PARG: variants seen among roughly 807,000 people sequenced by gnomAD.
The protein encoded by PARG is poly(ADP-ribose) glycohydrolase, also known as mitochondrial poly(ADP-ribose) glycohydrolase.
Under a neutral mutation model 113.0 loss-of-function variants are expected in PARG, and 35 were observed. The observed-to-expected ratio is 0.31, with a 90% CI of 0.24 to 0.41. The LOEUF is 0.41. PARG is among the 10% of genes least tolerant of loss of function. The probability of loss-of-function intolerance (pLI) is 1.00; values close to 1 mark genes in which losing one functional copy is unlikely to be tolerated. For missense variants in PARG, 797 were observed against 1,169.4 expected (o/e 0.68, Z 4.64); for synonymous variants, 330 against 409.9 (o/e 0.81, Z 2.36).
chr10:49,820,014 A>T, intron 17 of PARG, 151 bp downstream of exon 17: 1 of 596,834 alleles, frequency 1.7e-6, no homozygotes. Context: ...GACTCTGCAA[A>T]TGCTGCCCCT....
At chr10:49,890,591 A>T (rs1179465651) in intron 7 of PARG, among the ~76,000 whole-genome samples, 1 of 152,170 alleles carries the variant, frequency 6.6e-6, no homozygotes, top group East Asian at 1.9e-4. Context: ...CATCAGCCCT[A>T]ACCTAGGAGG....
intron 7 of PARG, among the ~76,000 whole-genome samples, chr10:49,904,980 A>G (rs145275598): frequency 2.7e-3 from 414 of 151,772 alleles, no homozygotes; most frequent in East Asian, 0.011. Context: ...CATGCTGAAC[A>G]CTAAAAGTCA....
At chr10:49,828,573 C>T (rs1192459255) in intron 16 of PARG, among the ~76,000 whole-genome samples, 2 of 152,218 alleles carry the variant, frequency 1.3e-5, no homozygotes, top group Middle Eastern at 3.2e-3. Flanking sequence ...TCCCCCTAGT[C>T]CCTTCTCTCC....
At chr10:49,831,203 T>C (rs1272665592) in intron 16 of PARG, among the ~76,000 whole-genome samples, 13 of 151,108 alleles carry the variant, frequency 8.6e-5, no homozygotes, top group Admixed American at 7.9e-4. Flanking sequence ...GATTTTTATA[T>C]ACTTCATGGT....
intron 16 of PARG, among the ~76,000 whole-genome samples, chr10:49,822,568 G>A (rs1844154948): frequency 6.6e-6 from 1 of 151,746 alleles, no homozygotes; most frequent in Non-Finnish European, 1.5e-5. Context: ...TGGGGTGTTA[G>A]AATAGGAACA....
chr10:49,895,007 G>A (rs1426560976), intron 7 of PARG, among the ~76,000 whole-genome samples: 7 of 151,998 alleles, frequency 4.6e-5, no homozygotes, highest in Non-Finnish European at 7.4e-5. Context: ...TCATATAAGC[G>A]TTTTCCCTCA....
intron 7 of PARG, among the ~76,000 whole-genome samples, chr10:49,912,596 G>C (rs551243931): frequency 6.6e-6 from 1 of 152,216 alleles, no homozygotes; most frequent in East Asian, 1.9e-4. Context: ...CCAGGAGGTG[G>C]AGGTTGCAGT....
At chr10:49,903,964 C>T (rs1251894391) in intron 7 of PARG, among the ~76,000 whole-genome samples, 2 of 152,144 alleles carry the variant, frequency 1.3e-5, no homozygotes, top group Non-Finnish European at 2.9e-5. Flanking sequence ...ATCAACTGCA[C>T]ACAGGGGTCG....
intron 13 of PARG, among the ~76,000 whole-genome samples, chr10:49,853,239 C>T (rs1845839134): frequency 6.6e-6 from 1 of 151,294 alleles, no homozygotes; most frequent in Non-Finnish European, 1.5e-5. Flanking sequence ...GGTTTCACCA[C>T]GTTAGCCAGG....
intron 16 of PARG, among the ~76,000 whole-genome samples, chr10:49,828,470 G>A (rs1405879435): frequency 6.6e-6 from 1 of 152,116 alleles, no homozygotes; most frequent in Non-Finnish European, 1.5e-5. Context: ...AAAAATGCAG[G>A]TCAGGTAGGA....
chr10:49,859,546 A>C (rs1307352796), intron 12 of PARG, among the ~76,000 whole-genome samples: 12 of 152,150 alleles, frequency 7.9e-5, no homozygotes, highest in African/African-American at 2.9e-4. Flanking sequence ...CTGAGTGCCT[A>C]AAAGTATAAT....
intron 16 of PARG, among the ~76,000 whole-genome samples, chr10:49,830,156 A>G (rs1436451486): frequency 6.6e-6 from 1 of 152,238 alleles, no homozygotes; most frequent in Non-Finnish European, 1.5e-5. Context: ...AGCCAGAAAA[A>G]AAGAAAAAAG....
chr10:49,897,383 T>C lies in PARG; in HGVS notation c.1738-12088A>G, dbSNP rs142125041. 8.1e-3 allele frequency among the ~76,000 whole-genome samples: 1,227 copies of C among 152,266 alleles called. 12 individuals are homozygous for C. Among genetic ancestry groups the C allele is most frequent in the African/African-American group, 0.028 (1,148 of 41,548 alleles). ...TATGCTTCAGGACTCAGTTCCCATC[T>C]CCCTGGGAAGCCTTCACTGATTGCC... On this transcript the variant is annotated intron_variant, in intron 7 of 17. Coordinates refer to ENST00000616448, the MANE Select transcript of PARG (RefSeq NM_003631.5).
intron 7 of PARG, among the ~76,000 whole-genome samples, chr10:49,896,820 T>C (rs1212955027): frequency 1.3e-5 from 2 of 152,242 alleles, no homozygotes; most frequent in Non-Finnish European, 2.9e-5. Context: ...GCTTTATAAA[T>C]GAGTTGGAAA....
intron 4 of PARG, 96 bp from the exon 5 acceptor site, chr10:49,922,765 G>T: frequency 1.3e-6 from 1 of 747,230 alleles, no homozygotes; most frequent in Non-Finnish European, 2.1e-6. Flanking sequence ...CTATAAAATA[G>T]AGACCAGCTC....
chr10:49,911,372 T>C (rs1248215823), intron 7 of PARG, among the ~76,000 whole-genome samples: 5 of 152,176 alleles, frequency 3.3e-5, no homozygotes, highest in African/African-American at 1.2e-4. Context: ...TTTGTTCAAC[T>C]TTCCAGTGAA....
chr10:49,940,678 C>T (rs1194534510), intron 1 of PARG, among the ~76,000 whole-genome samples: 1 of 152,144 alleles, frequency 6.6e-6, no homozygotes, highest in African/African-American at 2.4e-5. Flanking sequence ...AGTTGCCCGC[C>T]ACCACGCTAG....
intron 7 of PARG, among the ~76,000 whole-genome samples, chr10:49,893,174 T>C (rs545054282): frequency 1.3e-5 from 2 of 152,214 alleles, no homozygotes; most frequent in East Asian, 3.9e-4. Context: ...TTTTCCAACA[T>C]TGTAGTACAT....
At chr10:49,919,711 C>T (rs1479154070) in intron 6 of PARG, among the ~76,000 whole-genome samples, 1 of 152,132 alleles carries the variant, frequency 6.6e-6, no homozygotes, top group Non-Finnish European at 1.5e-5. Flanking sequence ...TGGCACATGC[C>T]TGTAACATTA....
Sources: gnomAD v4.1 joint callset for allele counts (sites outside exome capture counted in the v4.1 genomes callset) on GRCh38, gnomAD v4.1.1 for gene constraint, MANE v1.5 for transcripts, NCBI Gene and HGNC (gene_info 2026-07-23, HGNC 2026-07-21) for gene names.